Variants in MYO6 observed in about 807,000 individuals in gnomAD.
The protein encoded by MYO6 is unconventional myosin-VI.
Under a neutral mutation model 178.7 loss-of-function variants are expected in MYO6, and 74 were observed. The ratio of observed to expected loss-of-function variants is 0.41; its 90% confidence interval spans 0.34 to 0.50. The LOEUF is 0.50. MYO6 is among the 20% of genes least tolerant of loss of function. The pLI, the probability that MYO6 is intolerant of heterozygous loss-of-function variation, is 0.09. For missense variants in MYO6, 1,330 were observed against 1,547.4 expected, an observed-to-expected ratio of 0.86 and a Z score of 2.36; for synonymous variants, 477 against 504.6, an observed-to-expected ratio of 0.95 and a Z score of 0.73.
At chr6:75,757,620 G>A (rs930326366) in intron 1 of MYO6, among the ~76,000 whole-genome samples, 1 of 151,932 alleles carries the variant, frequency 6.6e-6, no homozygotes, top group African/African-American at 2.4e-5. Flanking sequence ...GGGTTCCAGA[G>A]TTGCGTTTAA....
intron 1 of MYO6, among the ~76,000 whole-genome samples, chr6:75,760,415 C>T (rs920547530): frequency 6.6e-6 from 1 of 152,086 alleles, no homozygotes; most frequent in African/African-American, 2.4e-5. Context: ...CTTATATTTT[C>T]TTTCTTCTCT....
At chr6:75,823,990 A>G (rs1772176208) in intron 3 of MYO6, among the ~76,000 whole-genome samples, 1 of 152,252 alleles carries the variant, frequency 6.6e-6, no homozygotes, top group African/African-American at 2.4e-5. Flanking sequence ...GTCTGATTAA[A>G]TAATACATTT....
At chr6:75,822,679 C>T (rs1583191718) in intron 2 of MYO6, 103 bp from the exon 3 acceptor site, 3 of 820,654 alleles carry the variant, frequency 3.7e-6, no homozygotes, top group Non-Finnish European at 6.4e-6. Flanking sequence ...TAATAAAGAG[C>T]ATATTGTTGC....
chr6:75,890,306 A>G, intron 26 of MYO6, 41 bp downstream of exon 26: 1 of 1,611,488 alleles, frequency 6.2e-7, no homozygotes, highest in Non-Finnish European at 8.5e-7. Flanking sequence ...ACTTAAAGAA[A>G]TAGTGAATTC....
At position 75,908,715 on chromosome 6, in the gene MYO6, A is replaced by G. The variant is rs542214634; in HGVS notation, c.3412+88A>G. The G allele has an allele frequency of 9.2e-4, 1,318 of 1,438,148 alleles. 1 individual carries two copies. The highest frequency in any genetic ancestry group is 1.2e-3 in the Non-Finnish European group (1,256 of 1,028,954). The allele number at this position is 1,438,148 out of a possible 1,614,324, so 89.1% of individuals were successfully genotyped here. Reference sequence around the variant, plus strand: ...ACTTAAGACATGGGTAAAATGTCCCATATAAATTTTCTCCTATTTTAGAAC... The same window carrying G: ...ACTTAAGACATGGGTAAAATGTCCCGTATAAATTTTCTCCTATTTTAGAAC... On this transcript the variant is annotated intron_variant, in intron 32 of 34. Coordinates refer to ENST00000369977, the MANE Select transcript of MYO6 (RefSeq NM_004999.4).
intron 15 of MYO6, 62 bp downstream of exon 15, chr6:75,861,157 C>T: frequency 7.8e-7 from 1 of 1,277,586 alleles, no homozygotes; most frequent in Non-Finnish European, 1.1e-6. Flanking sequence ...GTGTTTAGTG[C>T]TTTTTCTGTG....
At chr6:75,839,057 A>G (rs1773942333) in intron 7 of MYO6, among the ~76,000 whole-genome samples, 1 of 152,048 alleles carries the variant, frequency 6.6e-6, no homozygotes, top group African/African-American at 2.4e-5. Context: ...TGGCATGTGA[A>G]ATGGCTGGGG....
intron 29 of MYO6, among the ~76,000 whole-genome samples, chr6:75,896,494 C>A (rs1317266254): frequency 6.6e-6 from 1 of 152,188 alleles, no homozygotes; most frequent in Admixed American, 6.6e-5. Flanking sequence ...CTGAACAGAG[C>A]CAAGTACAAT....
At chr6:75,783,024 A>G (rs1767145576) in intron 1 of MYO6, among the ~76,000 whole-genome samples, 1 of 148,932 alleles carries the variant, frequency 6.7e-6, no homozygotes, top group Non-Finnish European at 1.5e-5. Flanking sequence ...AAGTGATCCT[A>G]CCACCTCAGT....
chr6:75,852,018 A>T (rs1775313198), intron 11 of MYO6, among the ~76,000 whole-genome samples: 1 of 152,148 alleles, frequency 6.6e-6, no homozygotes, highest in South Asian at 2.1e-4. Flanking sequence ...AAGAAACTTT[A>T]AAAATGTTTG....
At position 75,886,914 on chromosome 6, in the gene MYO6, T is replaced by C; in HGVS notation, c.2578T>C (p.Leu860=). The change falls in exon 25 of 35, where the codon TTG becomes CTG. Residue 860 remains leucine (L), a synonymous_variant. Transcript: ENST00000369977. ...LDKFNEVVSV[L]KDGKPEMNKQ... ...TAAATTTAATGAGGTAGTCAGTGTG[T>C]TGAAAGATGGAAAACCCGAGATGAA... The C allele has an allele frequency of 6.2e-7, 1 of 1,613,780 alleles. No individual in the cohort carries two copies. The highest frequency in any genetic ancestry group is 1.7e-4 in the Middle Eastern group (1 of 6,058).
At chr6:75,855,320 C>A (rs1454692716) in intron 12 of MYO6, 37 bp downstream of exon 12, 3 of 1,607,574 alleles carry the variant, frequency 1.9e-6, no homozygotes, top group Non-Finnish European at 2.6e-6. Flanking sequence ...AAAAATTTTG[C>A]CTTGCAGTTT....
At chr6:75,903,921 T>C (rs1452972529) in intron 30 of MYO6, among the ~76,000 whole-genome samples, 61 of 151,652 alleles carry the variant, frequency 4.0e-4, no homozygotes, top group African/African-American at 1.4e-3. Flanking sequence ...AGGGCAGGCC[T>C]GGTGGTGACA....
At chr6:75,869,070 A>AT (rs71544072) in intron 18 of MYO6, among the ~76,000 whole-genome samples, 5,860 of 60,034 alleles carry the variant, frequency 0.098, 1,102 homozygotes, top group African/African-American at 0.21. Context: ...CTTTATCTCC[A>AT]TTTTTTTTTT....
At chr6:75,907,524 T>TA in intron 30 of MYO6, 81 bp from the exon 31 acceptor site, 20 of 1,110,976 alleles carry the variant, frequency 1.8e-5, no homozygotes, top group Non-Finnish European at 2.4e-5. Flanking sequence ...TTTTCAAACT[T>TA]ATGCATGCTT....
chr6:75,754,177 C>T (rs989394084), intron 1 of MYO6, among the ~76,000 whole-genome samples: 2 of 152,210 alleles, frequency 1.3e-5, no homozygotes, highest in East Asian at 3.9e-4. Flanking sequence ...AAACTCTTGA[C>T]AAAAACACAG....
At chr6:75,888,325 A>T (rs972240378) in intron 25 of MYO6, among the ~76,000 whole-genome samples, 3 of 151,354 alleles carry the variant, frequency 2.0e-5, no homozygotes, top group African/African-American at 7.3e-5. Flanking sequence ...TACTATAAAA[A>T]ATTTGGAGGC....
intron 32 of MYO6, among the ~76,000 whole-genome samples, chr6:75,911,232 A>T (rs1012341739): frequency 6.6e-6 from 1 of 152,044 alleles, no homozygotes; most frequent in African/African-American, 2.4e-5. Flanking sequence ...AGAGTTTAAA[A>T]AAAGCAAAAC....
intron 2 of MYO6, among the ~76,000 whole-genome samples, chr6:75,821,150 C>G (rs900900393): frequency 6.6e-6 from 1 of 152,066 alleles, no homozygotes. Context: ...GCCTTTTAGC[C>G]TGCTCTTAAC....
Sources: gnomAD v4.1 joint callset for allele counts (sites outside exome capture counted in the v4.1 genomes callset) on GRCh38, gnomAD v4.1.1 for gene constraint, MANE v1.5 for transcripts, NCBI Gene and HGNC (gene_info 2026-07-23, HGNC 2026-07-21) for gene names.